GREB1L: variants seen among roughly 807,000 people sequenced by gnomAD.
The protein encoded by GREB1L is GREB1 like retinoic acid receptor coactivator, also known as GREB1-like protein.
GREB1L carries 17 observed loss-of-function variants against 200.8 expected under a neutral mutation model. The ratio of observed to expected loss-of-function variants is 0.08; its 90% CI spans 0.06 to 0.13. The LOEUF is 0.13. Among genes scored for constraint, GREB1L ranks in the 10% least tolerant of loss-of-function variants. The pLI, the probability that GREB1L is intolerant of heterozygous loss-of-function variation, is 1.00. For synonymous variants in GREB1L, 789 were observed against 893.0 expected (o/e 0.88, Z 2.08); for missense variants, 1,657 against 2,367.7 (o/e 0.70, Z 6.23).
intron 1 of GREB1L, among the ~76,000 whole-genome samples, chr18:21,281,882 A>G (rs889836467): frequency 6.6e-6 from 1 of 152,224 alleles, no homozygotes; most frequent in Admixed American, 6.5e-5. Flanking sequence ...TATGTAAGTT[A>G]TAACTGGATA....
In GREB1L at chr18:21,449,579, T is replaced by C; in HGVS notation, c.1463T>C (p.Leu488Pro). The C allele has an allele frequency of 6.4e-7, 1 of 1,551,464 alleles. No individual in the cohort carries two copies. The highest frequency in any genetic ancestry group is 8.7e-7 in the Non-Finnish European group (1 of 1,146,918). Residue 488 changes from leucine to proline, a missense_variant, in exon 12 of 33, where the codon CTG becomes CCG. Coordinates refer to ENST00000424526, the MANE Select transcript of GREB1L (RefSeq NM_001142966.3). ...CTGAAAGCTATGCAAGAATTTACTCTGAGAGAAAGAGCCCTGCAGATAGGT... is the reference window on the plus strand; with the variant it reads ...CTGAAAGCTATGCAAGAATTTACTCCGAGAGAAAGAGCCCTGCAGATAGGT... The part of the protein sequence containing the change: ...IMLKAMQEFT[L>P]RERALQIGAQ...
chr18:21,452,376 T>G, intron 14 of GREB1L, 159 bp downstream of exon 14: 3 of 690,454 alleles, frequency 4.3e-6, no homozygotes, highest in Non-Finnish European at 6.9e-6. Flanking sequence ...TAAAAATGCT[T>G]TCCCATGTGG....
At chr18:21,330,670 G>T (rs77717308) in intron 1 of GREB1L, among the ~76,000 whole-genome samples, 1 of 152,064 alleles carries the variant, frequency 6.6e-6, no homozygotes, top group Non-Finnish European at 1.5e-5. Flanking sequence ...CTTCCACTGA[G>T]GGGGGTAAGA....
intron 15 of GREB1L, among the ~76,000 whole-genome samples, chr18:21,464,441 G>T (rs942005589): frequency 2.6e-5 from 4 of 151,598 alleles, no homozygotes; most frequent in Admixed American, 2.6e-4. Flanking sequence ...CTACTCAGGA[G>T]GCCGAGGCAG....
At chr18:21,297,195 G>A (rs1355678674) in intron 1 of GREB1L, among the ~76,000 whole-genome samples, 2 of 152,112 alleles carry the variant, frequency 1.3e-5, no homozygotes, top group Non-Finnish European at 2.9e-5. Flanking sequence ...ACACATTAAA[G>A]TTTGAGAAGC....
chr18:21,268,914 G>T (rs2144246119), intron 1 of GREB1L, among the ~76,000 whole-genome samples: 1 of 151,966 alleles, frequency 6.6e-6, no homozygotes. Context: ...TTCAAATGAG[G>T]AGATTGGTCA....
intron 1 of GREB1L, among the ~76,000 whole-genome samples, chr18:21,279,118 A>G (rs1413496558): frequency 2.0e-5 from 3 of 152,164 alleles, no homozygotes; most frequent in African/African-American, 7.2e-5. Context: ...ATCATTTCAA[A>G]TCCCTTCCTT....
rs925681491 is a variant in GREB1L at position 21,523,674 on chromosome 18, C to G, written c.*853C>G. 5.3e-5 allele frequency: 8 copies of G among 152,200 alleles called. No individual in the cohort carries two copies. Among genetic ancestry groups the G allele is most frequent in the African/African-American group, 1.9e-4 (8 of 41,448 alleles). The allele number at this position is 152,200 out of a possible 1,614,324, so 9.4% of individuals were successfully genotyped here. A position where few individuals can be genotyped will look rare whatever the true frequency, so the allele number is the denominator to read the frequency against. The stretch of plus-strand genomic sequence containing the variant: ...CACCCACCGTTTGGTTGGAATTAAG[C>G]AGTTGGCACCAGCAAACCTAAATGT... On this transcript the variant is annotated 3_prime_UTR_variant, in exon 33 of 33. Transcript: ENST00000424526.
At chr18:21,426,959 AAAAAAAAAAAAAAC>A (rs1235602721) in intron 7 of GREB1L, among the ~76,000 whole-genome samples, 4 of 71,516 alleles carry the variant, frequency 5.6e-5, no homozygotes, top group African/African-American at 1.3e-4. Flanking sequence ...ACTACGTCTC[AAAAAAAAAAAAAAC>A]AAAAAAAAAA....
chr18:21,409,457 G>T (rs1290081684), intron 7 of GREB1L, among the ~76,000 whole-genome samples: 2 of 152,148 alleles, frequency 1.3e-5, no homozygotes, highest in African/African-American at 4.8e-5. Flanking sequence ...TATGGTGATG[G>T]TTACACAACT....
chr18:21,525,663 T>G lies in GREB1L; in HGVS notation c.*2842T>G, dbSNP rs1476225747. ...GGGTTGCTAAAACTAATACAAGGTG[T>G]TTGTTATTGTTAATCTCCAGTTAAA... On this transcript the variant is annotated 3_prime_UTR_variant, in exon 33 of 33. Coordinates refer to ENST00000424526, the MANE Select transcript of GREB1L (RefSeq NM_001142966.3). Among the ~76,000 whole-genome samples, 1 of 152,184 alleles carries G rather than the reference T, an allele frequency of 6.6e-6. No homozygotes were observed. Among genetic ancestry groups the G allele is most frequent in the Non-Finnish European group, 1.5e-5 (1 of 68,014 alleles).
chr18:21,434,242 A>C (rs2033363537), intron 7 of GREB1L, among the ~76,000 whole-genome samples: 1 of 152,126 alleles, frequency 6.6e-6, no homozygotes, highest in South Asian at 2.1e-4. Flanking sequence ...TGGGAGGCCA[A>C]TCCAGGTGGA....
chr18:21,498,442 C>G (rs559805316), intron 21 of GREB1L, among the ~76,000 whole-genome samples: 1 of 152,132 alleles, frequency 6.6e-6, no homozygotes, highest in Admixed American at 6.6e-5. Flanking sequence ...AGAATAGAGT[C>G]AAGGGGTTTG....
intron 18 of GREB1L, among the ~76,000 whole-genome samples, chr18:21,488,692 C>T (rs1423441247): frequency 2.6e-5 from 4 of 152,102 alleles, no homozygotes; most frequent in Non-Finnish European, 4.4e-5. Flanking sequence ...ACTCTCACTC[C>T]GTCGCCCAGG....
At chr18:21,318,168 G>A (rs1442974617) in intron 1 of GREB1L, among the ~76,000 whole-genome samples, 3 of 151,852 alleles carry the variant, frequency 2.0e-5, no homozygotes, top group African/African-American at 2.4e-5. Context: ...TAGCCTCCTG[G>A]ATTGGTGTAA....
Position 21,284,857 on chromosome 18 carries a change from T to C in GREB1L, c.-120+42464T>C, listed in dbSNP as rs142874438. Among the ~76,000 whole-genome samples the C allele has an allele frequency of 2.4e-4, 36 of 152,360 alleles. No homozygotes were observed. The East Asian group carries it at 6.9e-3, about 29-fold the overall frequency. On this transcript the variant is annotated intron_variant, in intron 1 of 32. Coordinates refer to ENST00000424526, the MANE Select transcript of GREB1L (RefSeq NM_001142966.3). ...CAACACTAGCTACTGTCTGTTTTTT[T>C]TCTTTTAGCCATCCCAGTGGGTATG...
intron 27 of GREB1L, among the ~76,000 whole-genome samples, chr18:21,512,716 C>T (rs1450119048): frequency 6.6e-6 from 1 of 152,030 alleles, no homozygotes; most frequent in Non-Finnish European, 1.5e-5. Context: ...GTAAAAGTGG[C>T]ATCCTTGTCT....
chr18:21,505,122 A>G (rs918326065), intron 23 of GREB1L, among the ~76,000 whole-genome samples: 2 of 152,166 alleles, frequency 1.3e-5, no homozygotes, highest in African/African-American at 4.8e-5. Context: ...AGATCATCCA[A>G]AATTAAACTT....
At position 21,525,852 on chromosome 18, in the gene GREB1L, T is replaced by C. The variant is rs893783082; in HGVS notation, c.*3031T>C. On this transcript the variant is annotated 3_prime_UTR_variant, in exon 33 of 33. Coordinates refer to ENST00000424526, the MANE Select transcript of GREB1L (RefSeq NM_001142966.3). ...TGGCTTTCAATCTATTAATAAAGTGTAGTAAATTAAAAGAATTTGACATAG... is the reference window on the plus strand; with the variant it reads ...TGGCTTTCAATCTATTAATAAAGTGCAGTAAATTAAAAGAATTTGACATAG... Among the ~76,000 whole-genome samples the C allele has an allele frequency of 7.3e-6, 1 of 136,550 alleles. No individual in the cohort carries two copies. Among genetic ancestry groups the C allele is most frequent in the Non-Finnish European group, 1.7e-5 (1 of 59,980 alleles). 89.6% of individuals were successfully genotyped at this position (136,550 alleles called of 152,430 possible).
Sources: allele counts gnomAD v4.1 joint callset (sites outside exome capture counted in the v4.1 genomes callset), GRCh38; gene constraint gnomAD v4.1.1; transcripts MANE v1.5; gene names NCBI Gene and HGNC (gene_info 2026-07-23, HGNC 2026-07-21).